The following ADAP1 variants were observed in gnomAD, a reference collection of about 807,000 sequenced individuals.
ADAP1 encodes arf-GAP with dual PH domain-containing protein 1.
ADAP1 carries 31 observed loss-of-function variants against 54.9 expected under a neutral mutation model. The ratio of observed to expected loss-of-function variants is 0.56; its 90% CI spans 0.42 to 0.76. The LOEUF (loss-of-function observed/expected upper bound fraction) is 0.76, where lower values mean the gene tolerates loss of function less well. ADAP1 is among the 30% of genes least tolerant of loss of function. The pLI is 0.00. For missense variants in ADAP1, 535 were observed against 512.4 expected, an observed-to-expected ratio of 1.04 and a Z score of -0.42; for synonymous variants, 313 against 202.6, an observed-to-expected ratio of 1.55 and a Z score of -4.63.
At chr7:936,254 A>C (rs1219244122) in intron 1 of ADAP1, among the ~76,000 whole-genome samples, 1 of 151,494 alleles carries the variant, frequency 6.6e-6, no homozygotes, top group Non-Finnish European at 1.5e-5. Context: ...AGGCTGGAGT[A>C]TGATGGCACG....
At chr7:923,753 C>G (rs1846271031) in intron 3 of ADAP1, among the ~76,000 whole-genome samples, 1 of 152,144 alleles carries the variant, frequency 6.6e-6, no homozygotes, top group Non-Finnish European at 1.5e-5. Flanking sequence ...CCGGACGCTG[C>G]CCGCCACTCT....
At chr7:910,549 G>A (rs1247949072) in intron 4 of ADAP1, among the ~76,000 whole-genome samples, 4 of 152,196 alleles carry the variant, frequency 2.6e-5, no homozygotes, top group East Asian at 1.9e-4. Flanking sequence ...CGCCTGGCCC[G>A]AGACTGCTGG....
intron 2 of ADAP1, among the ~76,000 whole-genome samples, chr7:929,629 G>A (rs1372124466): frequency 2.0e-5 from 3 of 151,998 alleles, no homozygotes. Context: ...ATTCAGTAAC[G>A]GCTGGGGCGG....
intron 5 of ADAP1, 144 bp from the exon 6 acceptor site, chr7:904,416 G>A: frequency 9.6e-7 from 1 of 1,046,726 alleles, no homozygotes; most frequent in East Asian, 2.8e-5. Context: ...CTGAGCCTTG[G>A]CCTCCCGGTC....
At chr7:914,958 G>A (rs561525758) in intron 4 of ADAP1, among the ~76,000 whole-genome samples, 73 of 150,814 alleles carry the variant, frequency 4.8e-4, no homozygotes, top group African/African-American at 1.8e-3. Context: ...CTGAGCACAG[G>A]GCCATACGAC....
At position 904,131 on chromosome 7, in the gene ADAP1, C is replaced by T. The variant is rs780321785; in HGVS notation, c.643G>A (p.Gly215Arg). 10 of 1,612,372 alleles carry T rather than the reference C, an allele frequency of 6.2e-6. No individual in the cohort carries two copies. Among genetic ancestry groups the T allele is most frequent in the East Asian group, 2.2e-5 (1 of 44,860 alleles). The change falls in exon 6 of 11, where the codon GGG becomes AGG. Residue 215 changes from glycine (G) to arginine (R), a missense_variant. Coordinates refer to ENST00000265846, the MANE Select transcript of ADAP1 (RefSeq NM_006869.4). ...TRNIFIYHED[G>R]KEIVDWFNAL... is the part of the protein sequence containing the mutation. The stretch of plus-strand genomic sequence containing the variant: ...GAGTGCTCGCCAGCACCCACCTTCC[C>T]GTCCTCATGGTAGATGAAGATGTTA...
In ADAP1 at chr7:904,920, C is replaced by G. The variant is rs575510544; in HGVS notation, c.501+140G>C. 4.1e-6 allele frequency: 3 copies of G among 733,484 alleles called. No homozygotes were observed. In the East Asian group the frequency reaches 8.1e-5, roughly 20 times the overall value. The allele number at this position is 733,484 out of a possible 1,614,324, so 45.4% of individuals were successfully genotyped here. Reference sequence around the variant, plus strand: ...CACAGAGGCTCAGCCCAACACAGGCCGGTTCTCCTGGAGCGTCCCCATCGG... The same window carrying G: ...CACAGAGGCTCAGCCCAACACAGGCGGGTTCTCCTGGAGCGTCCCCATCGG... On this transcript the variant is annotated intron_variant, in intron 5 of 10. Coordinates refer to ENST00000265846, the MANE Select transcript of ADAP1 (RefSeq NM_006869.4).
intron 1 of ADAP1, among the ~76,000 whole-genome samples, chr7:953,581 G>A (rs1031924316): frequency 1.3e-5 from 2 of 152,228 alleles, no homozygotes; most frequent in African/African-American, 2.4e-5. Flanking sequence ...CTGGGGTGGC[G>A]GGACTGCTCC....
chr7:910,154 G>A (rs920618146), intron 4 of ADAP1, among the ~76,000 whole-genome samples: 3 of 152,226 alleles, frequency 2.0e-5, no homozygotes, highest in African/African-American at 7.2e-5. Context: ...TCCCTGGAAA[G>A]CAGCCAGGCC....
In ADAP1 at chr7:898,911, G is replaced by A. The variant is rs1308658866; in HGVS notation, c.*10C>T. On this transcript the variant is annotated 3_prime_UTR_variant, in exon 11 of 11. Coordinates refer to ENST00000265846, the MANE Select transcript of ADAP1 (RefSeq NM_006869.4). The stretch of plus-strand genomic sequence containing the variant: ...TGAGTCCAATGTCCGTGGTCCTCCA[G>A]CCGCACTCGCTAAGGTTTATGCTTG... 4.4e-6 allele frequency: 7 copies of A among 1,598,342 alleles called. No individual in the cohort carries two copies. The highest frequency in any genetic ancestry group is 6.0e-6 in the Non-Finnish European group (7 of 1,173,276).
At chr7:903,366 A>C (rs1221529925) in intron 6 of ADAP1, among the ~76,000 whole-genome samples, 1 of 152,168 alleles carries the variant, frequency 6.6e-6, no homozygotes, top group African/African-American at 2.4e-5. Context: ...GATGGTGCCT[A>C]AAGTGGGTAA....
intron 3 of ADAP1, chr7:923,478 A>C (rs745395902): frequency 6.6e-6 from 1 of 151,874 alleles, no homozygotes; most frequent in Non-Finnish European, 1.5e-5. Flanking sequence ...CGACGTCAAG[A>C]TAGAAACTGG....
At chr7:915,929 C>A (rs1322898350) in intron 4 of ADAP1, among the ~76,000 whole-genome samples, 2 of 146,754 alleles carry the variant, frequency 1.4e-5, no homozygotes, top group East Asian at 2.4e-4. Flanking sequence ...CCACTTTCCA[C>A]GAGATGCCGT....
At chr7:913,916 C>G (rs1845827964) in intron 4 of ADAP1, among the ~76,000 whole-genome samples, 1 of 152,174 alleles carries the variant, frequency 6.6e-6, no homozygotes, top group Admixed American at 6.5e-5. Flanking sequence ...GCCTGGGCAA[C>G]AGAGCAGGAA....
chr7:939,294 A>G (rs1220822707), intron 1 of ADAP1, among the ~76,000 whole-genome samples: 1 of 152,068 alleles, frequency 6.6e-6, no homozygotes, highest in Non-Finnish European at 1.5e-5. Flanking sequence ...ATCTCAGCTC[A>G]CTGCAACTTC....
intron 4 of ADAP1, among the ~76,000 whole-genome samples, chr7:917,666 G>T (rs186241465): frequency 2.0e-5 from 3 of 152,258 alleles, no homozygotes; most frequent in African/African-American, 4.8e-5. Flanking sequence ...GTTTTGCCAC[G>T]TTGACCAGAT....
chr7:930,979 C>CAAAA (rs545321889), intron 2 of ADAP1, among the ~76,000 whole-genome samples: 1 of 83,350 alleles, frequency 1.2e-5, no homozygotes, highest in Non-Finnish European at 2.5e-5. Context: ...GACTGTGTCT[C>CAAAA]AAAAAAAAAA....
chr7:954,511 C>A lies in ADAP1; in HGVS notation c.-34G>T, dbSNP rs1237798572. On this transcript the variant is annotated 5_prime_UTR_variant, in exon 1 of 11. Transcript: ENST00000265846. The stretch of plus-strand genomic sequence containing the variant: ...TGCGCCCGCGATGCCGATGCCGGGG[C>A]CGGGGCCGGGAGCGTCAGCCCGGCT... 6 of 1,009,640 alleles carry A rather than the reference C, an allele frequency of 5.9e-6. No homozygotes were observed. The highest frequency in any genetic ancestry group is 7.1e-6 in the Non-Finnish European group (6 of 847,952). 62.5% of individuals were successfully genotyped at this position (1,009,640 alleles called of 1,614,324 possible).
In ADAP1 at chr7:920,135, T is replaced by C. The variant is rs969187881; in HGVS notation, c.306-85A>G. 3 of 1,293,668 alleles carry C rather than the reference T, an allele frequency of 2.3e-6. No homozygotes were observed. The highest frequency in any genetic ancestry group is 2.9e-5 in the African/African-American group (2 of 68,068). The allele number at this position is 1,293,668 out of a possible 1,614,324, so 80.1% of individuals were successfully genotyped here. On this transcript the variant is annotated intron_variant, in intron 3 of 10. Transcript: ENST00000265846. The surrounding 1 kb of genome is among the most constrained non-coding windows in gnomAD (Gnocchi z 4.5). ...CGCTCTCTGGCCCGGACCCTGGACA[T>C]CTCAAGAGGCTCATAGGGACCCCCG...
Sources: allele counts gnomAD v4.1 joint callset (sites outside exome capture counted in the v4.1 genomes callset), GRCh38; gene constraint gnomAD v4.1.1; non-coding constraint Gnocchi (gnomAD v3.1); transcripts MANE v1.5; gene names NCBI Gene and HGNC (gene_info 2026-07-23, HGNC 2026-07-21).